HS6ST3: variants seen among roughly 807,000 people sequenced by gnomAD.
HS6ST3 encodes heparan sulfate 6-O-sulfotransferase 3.
A neutral mutation model predicts 36.7 loss-of-function variants in HS6ST3; 12 were observed. The observed-to-expected ratio is 0.33, with a 90% CI of 0.21 to 0.53. HS6ST3 has a LOEUF of 0.53. Among genes scored for constraint, HS6ST3 ranks in the 20% least tolerant of loss-of-function variants. The probability of loss-of-function intolerance (pLI) is 0.95; values close to 1 mark genes in which losing one functional copy is unlikely to be tolerated. For missense variants in HS6ST3, 584 were observed against 640.9 expected (o/e 0.91, Z 0.96); for synonymous variants, 240 against 257.5 (o/e 0.93, Z 0.65).
At chr13:96,097,152 A>T (rs1331079394) in intron 1 of HS6ST3, among the ~76,000 whole-genome samples, 1 of 152,162 alleles carries the variant, frequency 6.6e-6, no homozygotes, top group Non-Finnish European at 1.5e-5. Flanking sequence ...TAGATGATTT[A>T]TGCTTCTGCC....
At chr13:96,350,711 T>C (rs1002222188) in intron 1 of HS6ST3, among the ~76,000 whole-genome samples, 1 of 152,252 alleles carries the variant, frequency 6.6e-6, no homozygotes, top group Non-Finnish European at 1.5e-5. Flanking sequence ...CACATGGATA[T>C]AATAACGAAA....
At chr13:96,295,643 T>C (rs2054851438) in intron 1 of HS6ST3, among the ~76,000 whole-genome samples, 1 of 152,132 alleles carries the variant, frequency 6.6e-6, no homozygotes, top group South Asian at 2.1e-4. Context: ...TATGCTCCCG[T>C]GTGTCTTATT....
At chr13:96,305,400 A>C (rs1190362575) in intron 1 of HS6ST3, among the ~76,000 whole-genome samples, 1 of 152,168 alleles carries the variant, frequency 6.6e-6, no homozygotes, top group African/African-American at 2.4e-5. Context: ...AGAACATGTA[A>C]AATGCATCAT....
intron 1 of HS6ST3, among the ~76,000 whole-genome samples, chr13:96,796,959 C>T (rs1220554401): frequency 6.6e-6 from 1 of 152,046 alleles, no homozygotes; most frequent in African/African-American, 2.4e-5. Flanking sequence ...AGGACTCTGA[C>T]TACCACTTGC....
At position 96,795,201 on chromosome 13, in the gene HS6ST3, A is replaced by G. The variant is rs145071969; in HGVS notation, c.708-37289A>G. Among the ~76,000 whole-genome samples the G allele has an allele frequency of 7.6e-3, 1,161 of 152,084 alleles. 10 individuals are homozygous for G. Among genetic ancestry groups the G allele is most frequent in the African/African-American group, 0.026 (1,059 of 41,500 alleles). On this transcript the variant is annotated intron_variant, in intron 1 of 1. Coordinates refer to ENST00000376705, the MANE Select transcript of HS6ST3 (RefSeq NM_153456.4). ...TTACTGTCTTTCAAAGTACACATTT[A>G]TACACCTACCTTTATAAGTGACTGG...
chr13:96,801,063 T>C (rs972169033), intron 1 of HS6ST3, among the ~76,000 whole-genome samples: 2 of 152,112 alleles, frequency 1.3e-5, no homozygotes, highest in Non-Finnish European at 2.9e-5. Flanking sequence ...TGTTCTTATG[T>C]CATTTGGTCT....
intron 1 of HS6ST3, among the ~76,000 whole-genome samples, chr13:96,595,098 T>C (rs1357718128): frequency 1.3e-5 from 2 of 152,164 alleles, no homozygotes; most frequent in East Asian, 3.8e-4. Flanking sequence ...CAGGCTGGAG[T>C]GCAGTGGCAC....
At chr13:96,713,385 T>C (rs181331950) in intron 1 of HS6ST3, among the ~76,000 whole-genome samples, 3 of 152,318 alleles carry the variant, frequency 2.0e-5, no homozygotes, top group African/African-American at 7.2e-5. Context: ...CATTACCATT[T>C]ATCATATGAC....
chr13:96,640,178 T>G (rs2056565404), intron 1 of HS6ST3, among the ~76,000 whole-genome samples: 1 of 152,046 alleles, frequency 6.6e-6, no homozygotes. Flanking sequence ...TAATTTACAT[T>G]CCCATCAACA....
intron 1 of HS6ST3, among the ~76,000 whole-genome samples, chr13:96,749,020 T>C (rs1389350878): frequency 6.6e-6 from 1 of 152,150 alleles, no homozygotes; most frequent in Non-Finnish European, 1.5e-5. Context: ...TTACCCTCAC[T>C]GCCGTCCTTC....
intron 1 of HS6ST3, among the ~76,000 whole-genome samples, chr13:96,159,394 A>G (rs534849120): frequency 1.6e-4 from 25 of 152,316 alleles, no homozygotes; most frequent in African/African-American, 6.0e-4. Context: ...AAATAAGGAT[A>G]CTGTACCAGT....
intron 1 of HS6ST3, among the ~76,000 whole-genome samples, chr13:96,158,098 A>G (rs2054118719): frequency 6.6e-6 from 1 of 152,196 alleles, no homozygotes; most frequent in Non-Finnish European, 1.5e-5. Flanking sequence ...AGTATGTGAC[A>G]CTTGAGTGGC....
Position 96,138,562 on chromosome 13 carries a change from A to G in HS6ST3, c.707+46993A>G, listed in dbSNP as rs2054014393. Among the ~76,000 whole-genome samples the G allele has an allele frequency of 3.9e-5, 6 of 151,988 alleles. No individual in the cohort carries two copies. In the South Asian group the frequency reaches 1.0e-3, roughly 26 times the overall value. Reference sequence around the variant, plus strand: ...ACCGTCACCACAACCAAGATGATGAATACATCCATCATTTCTAAAAGTTTC... The same window carrying G: ...ACCGTCACCACAACCAAGATGATGAGTACATCCATCATTTCTAAAAGTTTC... On this transcript the variant is annotated intron_variant, in intron 1 of 1. Coordinates refer to ENST00000376705, the MANE Select transcript of HS6ST3 (RefSeq NM_153456.4).
intron 1 of HS6ST3, among the ~76,000 whole-genome samples, chr13:96,533,808 T>A (rs1007076247): frequency 6.6e-6 from 1 of 152,230 alleles, no homozygotes; most frequent in South Asian, 2.1e-4. Flanking sequence ...ACCTCTGCTA[T>A]GGACAGATAA....
chr13:96,719,050 A>C (rs1875777349), intron 1 of HS6ST3, among the ~76,000 whole-genome samples: 1 of 152,190 alleles, frequency 6.6e-6, no homozygotes, highest in Non-Finnish European at 1.5e-5. Context: ...CAAGACAGGC[A>C]GATCACAAGG....
chr13:96,758,868 G>GT (rs2138498287), intron 1 of HS6ST3, among the ~76,000 whole-genome samples: 1 of 151,830 alleles, frequency 6.6e-6, no homozygotes, highest in South Asian at 2.1e-4. Flanking sequence ...ATATCATTTT[G>GT]TTTTGCCCTT....
chr13:96,621,232 C>G (rs965351662), intron 1 of HS6ST3, among the ~76,000 whole-genome samples: 1 of 152,200 alleles, frequency 6.6e-6, no homozygotes, highest in African/African-American at 2.4e-5. Flanking sequence ...CAAATCTTAT[C>G]TTGAATTATA....
At chr13:96,128,835 T>C (rs896440594) in intron 1 of HS6ST3, among the ~76,000 whole-genome samples, 8 of 151,072 alleles carry the variant, frequency 5.3e-5, no homozygotes, top group African/African-American at 2.0e-4. Context: ...TTTATCAAAG[T>C]ATTTTTTTTT....
chr13:96,436,615 A>G (rs553163757), intron 1 of HS6ST3, among the ~76,000 whole-genome samples: 1 of 152,288 alleles, frequency 6.6e-6, no homozygotes, highest in African/African-American at 2.4e-5. Context: ...TCCTAATCCA[A>G]CCTGACTAGT....
Sources: gnomAD v4.1 joint callset for allele counts (sites outside exome capture counted in the v4.1 genomes callset) on GRCh38, gnomAD v4.1.1 for gene constraint, MANE v1.5 for transcripts, NCBI Gene and HGNC (gene_info 2026-07-23, HGNC 2026-07-21) for gene names.